The following ELOVL7 variants were observed in gnomAD, a reference collection of about 807,000 sequenced individuals.
ELOVL7 encodes the protein ELOVL fatty acid elongase 7.
ELOVL7 carries 27 observed loss-of-function variants against 35.7 expected under a neutral mutation model. The ratio of observed to expected loss-of-function variants is 0.76; its 90% CI spans 0.56 to 1.04. The LOEUF (loss-of-function observed/expected upper bound fraction) is 1.04. Ranked by LOEUF, ELOVL7 falls within the 50% of genes least tolerant of loss-of-function variation. The probability of loss-of-function intolerance (pLI) is 0.00; values close to 1 mark genes in which losing one functional copy is unlikely to be tolerated. For missense variants in ELOVL7, 327 were observed against 340.8 expected, an observed-to-expected ratio of 0.96 and a Z score of 0.32; for synonymous variants, 113 against 114.6, an observed-to-expected ratio of 0.99 and a Z score of 0.09.
intron 3 of ELOVL7, among the ~76,000 whole-genome samples, chr5:60,786,287 G>C (rs1033839219): frequency 2.0e-5 from 3 of 151,852 alleles, no homozygotes; most frequent in Admixed American, 6.6e-5. Context: ...TTTTACTTTT[G>C]TTCTGCTTTT....
chr5:60,761,364 A>C (rs1367412528), intron 7 of ELOVL7, among the ~76,000 whole-genome samples: 1 of 152,152 alleles, frequency 6.6e-6, no homozygotes, highest in Admixed American at 6.5e-5. Context: ...ACAACAGAAA[A>C]ATAGGAAATT....
intron 1 of ELOVL7, among the ~76,000 whole-genome samples, chr5:60,833,534 A>G (rs6869332): frequency 0.81 from 123,208 of 152,004 alleles, 50,158 homozygotes; most frequent in East Asian, 0.9. Flanking sequence ...TTCTGGTACT[A>G]TCTAGGATTA....
At chr5:60,829,432 CA>C (rs1188045975) in intron 1 of ELOVL7, among the ~76,000 whole-genome samples, 1 of 151,998 alleles carries the variant, frequency 6.6e-6, no homozygotes, top group Non-Finnish European at 1.5e-5. Context: ...TTAATATAGT[CA>C]AAAAATGAGT....
chr5:60,840,890 TAG>T (rs1033205591), intron 1 of ELOVL7, among the ~76,000 whole-genome samples: 1 of 152,132 alleles, frequency 6.6e-6, no homozygotes, highest in Admixed American at 6.5e-5. Context: ...TGTCCAACAA[TAG>T]AGTTTTAGTT....
chr5:60,831,747 T>C (rs1488377250), intron 1 of ELOVL7, among the ~76,000 whole-genome samples: 2 of 152,364 alleles, frequency 1.3e-5, no homozygotes, highest in South Asian at 2.1e-4. Flanking sequence ...CTTTTGCACT[T>C]TACTTCTAGG....
chr5:60,768,455 T>C (rs746318724), intron 4 of ELOVL7, among the ~76,000 whole-genome samples: 29 of 152,218 alleles, frequency 1.9e-4, no homozygotes, highest in Non-Finnish European at 4.1e-4. Context: ...ATGGCTCAGA[T>C]ATTATTAATA....
At chr5:60,841,037 T>C (rs1747136730) in intron 1 of ELOVL7, among the ~76,000 whole-genome samples, 1 of 150,678 alleles carries the variant, frequency 6.6e-6, no homozygotes, top group Non-Finnish European at 1.5e-5. Context: ...TTTTTTTTTT[T>C]TTTTTTTAAG....
intron 5 of ELOVL7, 26 bp from the exon 6 acceptor site, chr5:60,766,656 T>C (rs1742255048): frequency 6.3e-7 from 1 of 1,596,176 alleles, no homozygotes; most frequent in African/African-American, 1.4e-5. Context: ...TAAATCTAAA[T>C]TTATTTTGTA....
intron 3 of ELOVL7, among the ~76,000 whole-genome samples, chr5:60,786,929 A>T (rs529002128): frequency 6.6e-6 from 1 of 151,808 alleles, no homozygotes; most frequent in South Asian, 2.1e-4. Flanking sequence ...ACTGCACTCC[A>T]GCTTGGGCGA....
intron 1 of ELOVL7, 129 bp downstream of exon 1, chr5:60,844,031 C>G (rs917591394): frequency 6.6e-6 from 1 of 152,594 alleles, no homozygotes; most frequent in Non-Finnish European, 1.5e-5. Context: ...TCGCGCGCCG[C>G]GCCCAAGTTC....
intron 1 of ELOVL7, among the ~76,000 whole-genome samples, chr5:60,834,664 T>C (rs1339465678): frequency 6.6e-6 from 1 of 151,878 alleles, no homozygotes; most frequent in Non-Finnish European, 1.5e-5. Context: ...ATAAGAAGTA[T>C]GAGTTGATTA....
rs1561425350 is a variant in ELOVL7, at chr5:60,766,574, CG to C, written c.392del (p.Thr131ArgfsTer13). On this transcript the variant is annotated frameshift_variant and splice_region_variant, in exon 6 of 9. Coordinates refer to ENST00000508821, the MANE Select transcript of ELOVL7 (RefSeq NM_024930.3). LOFTEE classifies it high-confidence loss of function. ...YFSKFIELLDTIFFVLRKKNS... is the reference protein window; with the variant it reads ...YFSKFIELLDXIFFVLRKKNS... ...CCAAATGTGGTGGCCATATACTCAC[CG>C]TATCTAATAGCTCAATAAATTTGGA... is the stretch of plus-strand genomic sequence containing the variant. 3 of 1,609,850 alleles carry C rather than the reference CG, an allele frequency of 1.9e-6. No homozygotes were observed.
chr5:60,834,362 G>C (rs1746663036), intron 1 of ELOVL7, among the ~76,000 whole-genome samples: 1 of 152,148 alleles, frequency 6.6e-6, no homozygotes, highest in Non-Finnish European at 1.5e-5. Context: ...AGCCAGGATG[G>C]TCTCCATCTC....
intron 1 of ELOVL7, among the ~76,000 whole-genome samples, chr5:60,802,121 C>T (rs12513409): frequency 0.025 from 342 of 13,484 alleles, 4 homozygotes; most frequent in African/African-American, 0.043. Context: ...TATATATACA[C>T]ACACACACAC....
intron 1 of ELOVL7, among the ~76,000 whole-genome samples, chr5:60,836,665 C>G (rs150840115): frequency 3.8e-4 from 58 of 152,056 alleles, no homozygotes; most frequent in African/African-American, 1.3e-3. Context: ...TTTTGTTCTG[C>G]CCTTGTTAGA....
chr5:60,797,822 A>T (rs1744356312), intron 2 of ELOVL7, among the ~76,000 whole-genome samples: 2 of 152,248 alleles, frequency 1.3e-5, no homozygotes, highest in Non-Finnish European at 2.9e-5. Context: ...CAAAGTCACT[A>T]AAGGGAAAAA....
chr5:60,784,152 T>G, intron 3 of ELOVL7: 2 of 1,520,702 alleles, frequency 1.3e-6, no homozygotes, highest in Non-Finnish European at 8.8e-7. Context: ...TCTTCTTAAG[T>G]AGCAGGTACT....
intron 1 of ELOVL7, among the ~76,000 whole-genome samples, chr5:60,833,943 A>G (rs1323038030): frequency 1.3e-5 from 2 of 152,214 alleles, no homozygotes; most frequent in Non-Finnish European, 2.9e-5. Context: ...ATACTTCAGA[A>G]AAGAATAACT....
intron 7 of ELOVL7, among the ~76,000 whole-genome samples, chr5:60,760,110 T>A (rs1170737870): frequency 6.6e-6 from 1 of 152,248 alleles, no homozygotes; most frequent in Non-Finnish European, 1.5e-5. Flanking sequence ...CGTGTGCATG[T>A]GTCTTTATAG....
Sources: allele counts gnomAD v4.1 joint callset (sites outside exome capture counted in the v4.1 genomes callset), GRCh38; gene constraint gnomAD v4.1.1; transcripts MANE v1.5; gene names NCBI Gene and HGNC (gene_info 2026-07-23, HGNC 2026-07-21).